The following SIK3 variants were observed in gnomAD, a reference collection of about 807,000 sequenced individuals.
The protein encoded by SIK3 is serine/threonine-protein kinase SIK3.
In SIK3, 28 loss-of-function variants were observed where a neutral mutation model predicts 144.2. That is an observed-to-expected ratio of 0.19 (90% confidence interval 0.14 to 0.27). The LOEUF (loss-of-function observed/expected upper bound fraction) is 0.27, where lower values mean the gene tolerates loss of function less well. Among genes scored for constraint, SIK3 ranks in the 10% least tolerant of loss-of-function variants. SIK3 has a pLI of 1.00. For synonymous variants in SIK3, 686 were observed against 676.3 expected, an observed-to-expected ratio of 1.01 and a Z score of -0.22; for missense variants, 1,319 against 1,776.0, an observed-to-expected ratio of 0.74 and a Z score of 4.62.
chr11:116,914,710 G>A (rs1252084388), intron 4 of SIK3, among the ~76,000 whole-genome samples: 3 of 152,146 alleles, frequency 2.0e-5, no homozygotes, highest in Non-Finnish European at 4.4e-5. Flanking sequence ...GAGAAATGGG[G>A]CTTTCCTGAA....
intron 3 of SIK3, among the ~76,000 whole-genome samples, chr11:116,949,444 G>T (rs776711211): frequency 4.6e-5 from 7 of 152,186 alleles, no homozygotes; most frequent in Non-Finnish European, 1.0e-4. Flanking sequence ...GCACAAATTG[G>T]TCTACAAACA....
chr11:116,937,307 C>A (rs570755805), intron 3 of SIK3, among the ~76,000 whole-genome samples: 1 of 152,106 alleles, frequency 6.6e-6, no homozygotes, highest in Admixed American at 6.5e-5. Context: ...TGGTTACTTA[C>A]GGAAAAGGTG....
At chr11:116,896,053 A>G (rs1945381534) in intron 6 of SIK3, among the ~76,000 whole-genome samples, 200 bp downstream of exon 6, 1 of 152,164 alleles carries the variant, frequency 6.6e-6, no homozygotes, top group Non-Finnish European at 1.5e-5. Flanking sequence ...CCAGATTCAA[A>G]CCCAAGTAGG....
At chr11:117,034,096 A>G (rs2135814682) in intron 1 of SIK3, among the ~76,000 whole-genome samples, 1 of 152,318 alleles carries the variant, frequency 6.6e-6, no homozygotes, top group African/African-American at 2.4e-5. Context: ...AGAAAGCCTA[A>G]GATTATGGAC....
At chr11:116,999,776 T>C (rs1950789757) in intron 1 of SIK3, among the ~76,000 whole-genome samples, 1 of 152,236 alleles carries the variant, frequency 6.6e-6, no homozygotes, top group Non-Finnish European at 1.5e-5. Context: ...TAAATACTCT[T>C]ATGACTACAT....
chr11:116,941,703 A>G (rs1357581977), intron 3 of SIK3, among the ~76,000 whole-genome samples: 3 of 152,214 alleles, frequency 2.0e-5, no homozygotes, highest in Non-Finnish European at 4.4e-5. Flanking sequence ...TAAATCATAC[A>G]CATTTCAACA....
intron 1 of SIK3, among the ~76,000 whole-genome samples, chr11:117,009,638 C>T (rs552840859): frequency 8.6e-5 from 13 of 152,044 alleles, no homozygotes; most frequent in East Asian, 3.9e-4. Context: ...TTCATAAATA[C>T]CATAAAAGGC....
At chr11:117,081,484 C>T (rs4936362) in intron 1 of SIK3, among the ~76,000 whole-genome samples, 24,980 of 152,022 alleles carry the variant, frequency 0.16, 2,185 homozygotes, top group Admixed American at 0.21. Context: ...ATTAGCCGGG[C>T]GTGATGGCAG....
intron 1 of SIK3, among the ~76,000 whole-genome samples, chr11:117,031,687 ATTTTTT>A (rs57524562): frequency 3.6e-4 from 29 of 81,534 alleles, no homozygotes; most frequent in South Asian, 2.6e-3. Context: ...CACCCGGCTA[ATTTTTT>A]TTTTTTTTTT....
intron 1 of SIK3, among the ~76,000 whole-genome samples, chr11:117,058,660 C>A (rs549925940): frequency 1.3e-5 from 2 of 151,874 alleles, no homozygotes; most frequent in East Asian, 1.9e-4. Flanking sequence ...GAAGGTGACA[C>A]GAACCAAAGG....
chr11:117,057,881 G>A (rs931296240), intron 1 of SIK3, among the ~76,000 whole-genome samples: 2 of 152,160 alleles, frequency 1.3e-5, no homozygotes, highest in Non-Finnish European at 2.9e-5. Flanking sequence ...CTATGTGTAA[G>A]TGCTAAGAAC....
Position 116,867,786 on chromosome 11 carries a change from G to A in SIK3, c.1952+160C>T, listed in dbSNP as rs1221212405. The A allele has an allele frequency of 4.5e-6, 3 of 673,782 alleles. No individual in the cohort carries two copies. Among genetic ancestry groups the A allele is most frequent in the East Asian group, 6.0e-5 (2 of 33,582 alleles). The allele number at this position is 673,782 out of a possible 1,614,324, so 41.7% of individuals were successfully genotyped here. The stretch of plus-strand genomic sequence containing the variant: ...GGGCGCAGTAAAAAACCTTTGCCCT[G>A]TGCATTGCTTACTGCAAGGAGCTGA... On this transcript the variant is annotated intron_variant, in intron 15 of 24. Coordinates refer to ENST00000445177, the MANE Select transcript of SIK3 (RefSeq NM_001366686.3). The surrounding 1 kb of genome is among the most constrained non-coding windows in gnomAD (Gnocchi z 4.1).
At chr11:116,976,045 A>G (rs1447469830) in intron 1 of SIK3, among the ~76,000 whole-genome samples, 1 of 152,166 alleles carries the variant, frequency 6.6e-6, no homozygotes, top group South Asian at 2.1e-4. Flanking sequence ...TCTTTCCTCT[A>G]TTTTTAAATT....
At chr11:116,889,723 C>G (rs532359951) in intron 6 of SIK3, among the ~76,000 whole-genome samples, 3 of 152,206 alleles carry the variant, frequency 2.0e-5, no homozygotes, top group Admixed American at 2.0e-4. Flanking sequence ...TAATAAGATC[C>G]CATCTCTACA....
At chr11:116,938,050 C>T (rs1389143529) in intron 3 of SIK3, among the ~76,000 whole-genome samples, 1 of 151,706 alleles carries the variant, frequency 6.6e-6, no homozygotes, top group Non-Finnish European at 1.5e-5. Flanking sequence ...ACTAAAAATA[C>T]AAAAATTAGC....
At chr11:117,032,702 G>C (rs1372215471) in intron 1 of SIK3, among the ~76,000 whole-genome samples, 1 of 149,640 alleles carries the variant, frequency 6.7e-6, no homozygotes, top group Non-Finnish European at 1.5e-5. Context: ...AAAGAGATGG[G>C]TTCTCACTAT....
At chr11:117,044,575 ACT>A (rs1491373802) in intron 1 of SIK3, among the ~76,000 whole-genome samples, 1 of 151,928 alleles carries the variant, frequency 6.6e-6, no homozygotes, top group African/African-American at 2.4e-5. Flanking sequence ...AAGCCTGGTC[ACT>A]TTAACAGACC....
chr11:117,025,476 C>T (rs1033467530), intron 1 of SIK3, among the ~76,000 whole-genome samples: 2 of 151,852 alleles, frequency 1.3e-5, no homozygotes, highest in East Asian at 1.9e-4. Flanking sequence ...GACAAGATCT[C>T]GTTCTGTCAC....
chr11:116,848,270 C>T lies in SIK3; in HGVS notation c.3820-662G>A, dbSNP rs184596284. ...GTTGAGGCAGGAGAATGGCGTGAAC[C>T]CGGGAGGCGGAGCTTGCAGTGAGCC... On this transcript the variant is annotated intron_variant, in intron 22 of 24. Transcript: ENST00000445177. Among the ~76,000 whole-genome samples, 444 of 152,130 alleles carry T rather than the reference C, an allele frequency of 2.9e-3. 2 individuals are homozygous for T. The highest frequency in any genetic ancestry group is 0.01 in the African/African-American group (426 of 41,486).
Sources: allele counts gnomAD v4.1 joint callset (sites outside exome capture counted in the v4.1 genomes callset), GRCh38; gene constraint gnomAD v4.1.1; non-coding constraint Gnocchi (gnomAD v3.1); transcripts MANE v1.5; gene names NCBI Gene and HGNC (gene_info 2026-07-23, HGNC 2026-07-21).